The following DNAH7 variants were observed in gnomAD, a reference collection of about 807,000 sequenced individuals.
DNAH7 encodes the protein axonemal beta dynein heavy chain 7.
A neutral mutation model predicts 444.6 loss-of-function variants in DNAH7; 397 were observed. The observed-to-expected ratio is 0.89, with a 90% CI of 0.82 to 0.97. The LOEUF is 0.97. Ranked by LOEUF, DNAH7 falls within the 50% of genes least tolerant of loss-of-function variation. The probability of loss-of-function intolerance (pLI) is 0.00; values close to 1 mark genes in which losing one functional copy is unlikely to be tolerated. For missense variants in DNAH7, 4,902 were observed against 4,800.8 expected (o/e 1.02, Z -0.62); for synonymous variants, 1,636 against 1,624.4 (o/e 1.01, Z -0.17).
rs1429530427 is a variant in DNAH7 at position 195,756,168 on chromosome 2, C to CA, written c.11550dup (p.Val3851CysfsTer3). 2.5e-6 allele frequency: 4 copies of CA among 1,608,578 alleles called. No homozygotes were observed. The East Asian group carries it at 8.9e-5, about 36-fold the overall frequency. On this transcript the variant is annotated frameshift_variant, in exon 62 of 65. Coordinates refer to ENST00000312428, the MANE Select transcript of DNAH7 (RefSeq NM_018897.3). LOFTEE classifies it high-confidence loss of function. ...TTTAGTCTTGCAAGGAAGTCATTCA[C>CA]ATAGCTGCCAAGTGGTTTAAGGCTT...
chr2:195,864,640 G>A lies in DNAH7; in HGVS notation c.7015C>T (p.Leu2339=). The change falls in exon 41 of 65, where the codon CTA becomes TTA. Residue 2339 remains leucine (L), a synonymous_variant. Transcript: ENST00000312428. ...CTTCCACTCCCTCCAACCCCTACTA[G>A]GAGAGCATGGCTGCGAGGCTGCTTC... ...ILKQPRSHAL[L]VGVGGSGRQS... 6.2e-7 allele frequency: 1 copy of A among 1,614,168 alleles called. No homozygotes were observed. Among genetic ancestry groups the A allele is most frequent in the Non-Finnish European group, 8.5e-7 (1 of 1,180,042 alleles).
At position 195,864,918 on chromosome 2, in the gene DNAH7, T is replaced by C; in HGVS notation, c.6737A>G (p.His2246Arg). 1 of 1,612,980 alleles carries C rather than the reference T, an allele frequency of 6.2e-7. No individual in the cohort carries two copies. ...AAAATCCAAACGCTGAAAAAGCTCATGAAAATCTTCATACATGTAGTTTCT... is the reference window on the plus strand; with the variant it reads ...AAAATCCAAACGCTGAAAAAGCTCACGAAAATCTTCATACATGTAGTTTCT... Reference protein sequence around the residue: ...ILRNYMYEDFHELFQRLDFDN... With the variant: ...ILRNYMYEDFRELFQRLDFDN... The change falls in exon 41 of 65, where the codon CAT (histidine) becomes CGT (arginine). Residue 2246 changes from histidine (H) to arginine (R), a missense_variant. Physicochemically the swap from His to Arg is conservative, Grantham distance 29. Transcript: ENST00000312428.
chr2:195,995,250 G>T, intron 12 of DNAH7: 1 of 422,848 alleles, frequency 2.4e-6, no homozygotes, highest in South Asian at 2.0e-5. Flanking sequence ...CTTAATGAGG[G>T]AGATGCTTTG....
chr2:196,045,050 G>A (rs1171119044), intron 5 of DNAH7, among the ~76,000 whole-genome samples: 4 of 151,838 alleles, frequency 2.6e-5, no homozygotes, highest in Non-Finnish European at 5.9e-5. Context: ...CTGGGCAAGA[G>A]GATGAGATTC....
In DNAH7 at chr2:195,823,003, T is replaced by C. The variant is rs187802889; in HGVS notation, c.9291+1252A>G. Among the ~76,000 whole-genome samples the C allele has an allele frequency of 1.9e-3, 296 of 152,288 alleles. 1 individual carries two copies. Among genetic ancestry groups the C allele is most frequent in the Admixed American group, 4.3e-3 (65 of 15,292 alleles). On this transcript the variant is annotated intron_variant, in intron 49 of 64. Coordinates refer to ENST00000312428, the MANE Select transcript of DNAH7 (RefSeq NM_018897.3). ...ACATCACTCTATGAGATAGATACTT[T>C]TATTATTCTCATTTGACAGATGAGA...
chr2:196,062,597 A>C (rs942926457), intron 1 of DNAH7, among the ~76,000 whole-genome samples: 2 of 152,134 alleles, frequency 1.3e-5, no homozygotes, highest in African/African-American at 2.4e-5. Flanking sequence ...CCTGTAACTA[A>C]ATCTACAGAC....
At chr2:196,045,424 A>G (rs1161660614) in intron 5 of DNAH7, among the ~76,000 whole-genome samples, 2 of 152,098 alleles carry the variant, frequency 1.3e-5, no homozygotes, top group African/African-American at 4.8e-5. Context: ...CTAAGAGACA[A>G]ACTTCAGCAA....
At chr2:195,805,093 G>A (rs1696646856) in intron 54 of DNAH7, among the ~76,000 whole-genome samples, 1 of 152,124 alleles carries the variant, frequency 6.6e-6, no homozygotes, top group African/African-American at 2.4e-5. Flanking sequence ...AGTGAACGTA[G>A]AAAGAGATAT....
At chr2:195,894,869 C>T in intron 30 of DNAH7, 107 bp downstream of exon 30, 1 of 1,111,920 alleles carries the variant, frequency 9.0e-7, no homozygotes, top group Non-Finnish European at 1.2e-6. Context: ...ACTCATTTTT[C>T]TCATGATTTT....
chr2:195,805,863 A>AG (rs1170952293), intron 54 of DNAH7, among the ~76,000 whole-genome samples: 1 of 152,184 alleles, frequency 6.6e-6, no homozygotes, highest in African/African-American at 2.4e-5. Context: ...GGGCTCATAG[A>AG]GGGAAAAATG....
chr2:195,814,174 C>A (rs1279772173), intron 51 of DNAH7, among the ~76,000 whole-genome samples: 7 of 152,188 alleles, frequency 4.6e-5, no homozygotes, highest in African/African-American at 1.7e-4. Flanking sequence ...CTGATTTCTG[C>A]ACGTTTCTTC....
At chr2:195,926,335 G>C in intron 22 of DNAH7, 91 bp downstream of exon 22, 1 of 1,149,618 alleles carries the variant, frequency 8.7e-7, no homozygotes, top group Non-Finnish European at 1.1e-6. Context: ...TAAGTGAACT[G>C]TATTTATTTT....
intron 10 of DNAH7, among the ~76,000 whole-genome samples, chr2:196,005,411 C>T (rs1294187044): frequency 6.6e-6 from 1 of 151,266 alleles, no homozygotes; most frequent in Non-Finnish European, 1.5e-5. Flanking sequence ...AAAGAAAAAT[C>T]AACAAACCTA....
chr2:196,019,591 A>G lies in DNAH7; in HGVS notation c.744-296T>C, dbSNP rs1695246895. ...ATCCACAAATAATTTACAATGAACAAATGAAAACAGCAGCCAGCTATCTCT... is the reference window on the plus strand; with the variant it reads ...ATCCACAAATAATTTACAATGAACAGATGAAAACAGCAGCCAGCTATCTCT... On this transcript the variant is annotated intron_variant, in intron 8 of 64. Coordinates refer to ENST00000312428, the MANE Select transcript of DNAH7 (RefSeq NM_018897.3). Among the ~76,000 whole-genome samples the G allele has an allele frequency of 2.0e-5, 3 of 152,342 alleles. No homozygotes were observed. The South Asian group carries it at 6.2e-4, about 32-fold the overall frequency.
chr2:195,741,683 A>G (rs939978688), intron 63 of DNAH7, among the ~76,000 whole-genome samples: 2 of 152,218 alleles, frequency 1.3e-5, no homozygotes, highest in Admixed American at 6.5e-5. Context: ...TAAAATAGTA[A>G]TATCTGTTTT....
chr2:195,875,996 T>C (rs767914745), intron 37 of DNAH7, among the ~76,000 whole-genome samples, 153 bp from the exon 38 acceptor site: 3 of 152,208 alleles, frequency 2.0e-5, no homozygotes, highest in Non-Finnish European at 4.4e-5. Flanking sequence ...ATAATATCCT[T>C]AGCTTCCATG....
chr2:195,749,838 A>AGGGGGAG (rs1693680076), intron 63 of DNAH7, among the ~76,000 whole-genome samples: 1 of 92,662 alleles, frequency 1.1e-5, no homozygotes, highest in Non-Finnish European at 2.1e-5. Flanking sequence ...GTTGTGGGGA[A>AGGGGGAG]GGGGGAGGGG....
intron 18 of DNAH7, among the ~76,000 whole-genome samples, chr2:195,958,747 C>G (rs1438164994): frequency 6.6e-6 from 1 of 152,100 alleles, no homozygotes; most frequent in African/African-American, 2.4e-5. Context: ...AAGTACATTT[C>G]TAAGGTCTCT....
chr2:195,989,333 C>A (rs899821601), intron 12 of DNAH7, among the ~76,000 whole-genome samples: 1 of 152,212 alleles, frequency 6.6e-6, no homozygotes, highest in Non-Finnish European at 1.5e-5. Context: ...CTTTTCTCTA[C>A]ATCCTTGTCA....
Sources: allele counts gnomAD v4.1 joint callset (sites outside exome capture counted in the v4.1 genomes callset), GRCh38; gene constraint gnomAD v4.1.1; transcripts MANE v1.5; gene names NCBI Gene and HGNC (gene_info 2026-07-23, HGNC 2026-07-21).